Variants in PTTG1IP observed in about 807,000 individuals in gnomAD.
The protein encoded by PTTG1IP is PTTG1 interacting protein.
A neutral mutation model predicts 24.4 loss-of-function variants in PTTG1IP; 16 were observed. The observed-to-expected ratio is 0.66, with a 90% confidence interval of 0.44 to 1.00. The LOEUF is 1.00. PTTG1IP is among the 50% of genes least tolerant of loss of function. PTTG1IP has a pLI of 0.00. For missense variants in PTTG1IP, 241 were observed against 245.8 expected (o/e 0.98, Z 0.13); for synonymous variants, 89 against 96.8 (o/e 0.92, Z 0.47).
chr21:44,851,111 CAG>C lies in PTTG1IP; in HGVS notation c.*468_*469del, dbSNP rs1271346970. The C allele has an allele frequency of 1.1e-5, 5 of 459,308 alleles. No homozygotes were observed. The highest frequency in any genetic ancestry group is 2.0e-5 in the Non-Finnish European group (5 of 256,122). The allele number at this position is 459,308 out of a possible 1,614,324, so 28.5% of individuals were successfully genotyped here. A position where few individuals can be genotyped will look rare whatever the true frequency, so the allele number is the denominator to read the frequency against. ...GGTGTGAAGACTCAAGATGCGCACA[CAG>C]ACGCTGTCCGTGGTTTTATGGGGAA... On this transcript the variant is annotated 3_prime_UTR_variant, in exon 6 of 6. Transcript: ENST00000330938.
chr21:44,852,772 G>C (rs537933167), intron 5 of PTTG1IP, among the ~76,000 whole-genome samples: 145 of 152,276 alleles, frequency 9.5e-4, no homozygotes, highest in African/African-American at 3.3e-3. Context: ...TTCCAGTTTA[G>C]AGGGAAAACC....
At chr21:44,870,635 T>C (rs1159492930) in intron 1 of PTTG1IP, among the ~76,000 whole-genome samples, 1 of 151,132 alleles carries the variant, frequency 6.6e-6, no homozygotes, top group African/African-American at 2.4e-5. Context: ...CATCACAAGA[T>C]ACAGAAAAAA....
chr21:44,851,653 A>G (rs2083412447), intron 5 of PTTG1IP, 26 bp from the exon 6 acceptor site: 4 of 1,550,052 alleles, frequency 2.6e-6, no homozygotes, highest in Non-Finnish European at 3.5e-6. Flanking sequence ...CTTGAATCAT[A>G]ACTTCATTCA....
chr21:44,865,136 G>A (rs142967715), intron 2 of PTTG1IP, among the ~76,000 whole-genome samples: 176 of 152,354 alleles, frequency 1.2e-3, no homozygotes, highest in African/African-American at 4.0e-3. Flanking sequence ...GACTGGCCAC[G>A]CAGTGCTGGC....
At position 44,851,344 on chromosome 21, in the gene PTTG1IP, T is replaced by C; in HGVS notation, c.*237A>G. On this transcript the variant is annotated 3_prime_UTR_variant, in exon 6 of 6. Transcript: ENST00000330938. ...TATAAAAAAGCCCAAACCCCAAAGATTTCTTATTTCAAGTGACTAAATCTA... is the reference window on the plus strand; with the variant it reads ...TATAAAAAAGCCCAAACCCCAAAGACTTCTTATTTCAAGTGACTAAATCTA... 1.3e-6 allele frequency: 2 copies of C among 1,502,958 alleles called. No homozygotes were observed. Among genetic ancestry groups the C allele is most frequent in the Admixed American group, 2.1e-5 (1 of 48,136 alleles). The allele number at this position is 1,502,958 out of a possible 1,614,324, so 93.1% of individuals were successfully genotyped here.
At chr21:44,871,645 T>G (rs1601261095) in intron 1 of PTTG1IP, among the ~76,000 whole-genome samples, 1 of 152,200 alleles carries the variant, frequency 6.6e-6, no homozygotes, top group African/African-American at 2.4e-5. Flanking sequence ...TGCGGTCACA[T>G]TCCTGTAACC....
rs1040440370 is a variant in PTTG1IP, at chr21:44,852,622, GTTTC to G, written c.497-999_497-996del. On this transcript the variant is annotated intron_variant, in intron 5 of 5. Coordinates refer to ENST00000330938, the MANE Select transcript of PTTG1IP (RefSeq NM_004339.4). The stretch of plus-strand genomic sequence containing the variant: ...GGATGGTAAGGAAGGGCCTAGCCAT[GTTTC>G]TTTCTTGCCTGTCAAGGAGGGCCAC... Among the ~76,000 whole-genome samples, 18 of 152,314 alleles carry G rather than the reference GTTTC, an allele frequency of 1.2e-4. No individual in the cohort carries two copies. The Middle Eastern group carries it at 0.01, about 86-fold the overall frequency.
intron 1 of PTTG1IP, among the ~76,000 whole-genome samples, chr21:44,871,159 G>A (rs753598070): frequency 1.3e-5 from 2 of 152,244 alleles, no homozygotes; most frequent in Admixed American, 6.5e-5. Flanking sequence ...AAAAGAAAGA[G>A]TTGAAGACTA....
intron 2 of PTTG1IP, among the ~76,000 whole-genome samples, chr21:44,862,616 A>G (rs903312772): frequency 5.3e-5 from 8 of 152,186 alleles, no homozygotes; most frequent in African/African-American, 1.9e-4. Context: ...CAATCTCCAC[A>G]TTAACAGTGT....
intron 1 of PTTG1IP, among the ~76,000 whole-genome samples, chr21:44,867,020 T>C (rs2083547176): frequency 6.6e-6 from 1 of 152,174 alleles, no homozygotes; most frequent in African/African-American, 2.4e-5. Context: ...CAGATGGACC[T>C]GCGCAGGAAG....
chr21:44,869,026 G>C (rs1199599671), intron 1 of PTTG1IP, among the ~76,000 whole-genome samples: 1 of 152,216 alleles, frequency 6.6e-6, no homozygotes, highest in Non-Finnish European at 1.5e-5. Flanking sequence ...ATACTGAGAG[G>C]ACAGAATCAC....
intron 3 of PTTG1IP, among the ~76,000 whole-genome samples, chr21:44,857,027 G>A (rs1033033355): frequency 7.2e-5 from 11 of 152,118 alleles, no homozygotes; most frequent in Non-Finnish European, 1.6e-4. Flanking sequence ...TCAGACACAC[G>A]TGCACATTTA....
chr21:44,853,837 G>C (rs1277089717), intron 5 of PTTG1IP, among the ~76,000 whole-genome samples: 2 of 152,210 alleles, frequency 1.3e-5, no homozygotes, highest in African/African-American at 2.4e-5. Flanking sequence ...GGAACACATA[G>C]GAAAAAGCCT....
chr21:44,857,024 C>A (rs2083454988), intron 3 of PTTG1IP, among the ~76,000 whole-genome samples: 1 of 152,206 alleles, frequency 6.6e-6, no homozygotes, highest in Admixed American at 6.5e-5. Context: ...CCTTCAGACA[C>A]ACGTGCACAT....
intron 1 of PTTG1IP, among the ~76,000 whole-genome samples, chr21:44,867,236 G>C (rs578248655): frequency 4.6e-5 from 7 of 152,374 alleles, no homozygotes; most frequent in South Asian, 2.1e-4. Flanking sequence ...CTAGGCGGCT[G>C]TGCAATCACT....
At position 44,851,272 on chromosome 21, in the gene PTTG1IP, C is replaced by A; in HGVS notation, c.*309G>T. 1 of 1,372,630 alleles carries A rather than the reference C, an allele frequency of 7.3e-7. No individual in the cohort carries two copies. Among genetic ancestry groups the A allele is most frequent in the Non-Finnish European group, 9.7e-7 (1 of 1,034,982 alleles). The allele number at this position is 1,372,630 out of a possible 1,614,324, so 85.0% of individuals were successfully genotyped here. ...GAATGACAGCCACAGCGCTGGGTGC[C>A]GTCAGGCGGCTTCGTGTGCAGTTAG... On this transcript the variant is annotated 3_prime_UTR_variant, in exon 6 of 6. Transcript: ENST00000330938.
At chr21:44,866,261 C>T (rs1264462675) in intron 1 of PTTG1IP, among the ~76,000 whole-genome samples, 14 of 145,138 alleles carry the variant, frequency 9.6e-5, no homozygotes, top group South Asian at 2.2e-4. Context: ...ATAACACACA[C>T]ACACACACGC....
Position 44,855,261 on chromosome 21 carries a change from AAC to A in PTTG1IP, c.450-7_450-6del, listed in dbSNP as rs750134171. ...CTTGTCTTCATCTCTGCTCTCCTAA[AAC>A]ACAGAGGAACATTATGAGCACCAAA... On this transcript the variant is annotated splice_polypyrimidine_tract_variant and splice_region_variant and intron_variant, in intron 4 of 5. Transcript: ENST00000330938. The A allele has an allele frequency of 2.5e-6, 4 of 1,609,538 alleles. No individual in the cohort carries two copies. The Admixed American group carries it at 5.0e-5, about 20-fold the overall frequency.
intron 5 of PTTG1IP, among the ~76,000 whole-genome samples, chr21:44,854,884 A>T (rs2083437352): frequency 6.6e-6 from 1 of 152,228 alleles, no homozygotes; most frequent in Admixed American, 6.5e-5. Flanking sequence ...CACCTCGGCT[A>T]CGCAGGCGTG....
Sources: gnomAD v4.1 joint callset for allele counts (sites outside exome capture counted in the v4.1 genomes callset) on GRCh38, gnomAD v4.1.1 for gene constraint, MANE v1.5 for transcripts, NCBI Gene and HGNC (gene_info 2026-07-23, HGNC 2026-07-21) for gene names.